The following TENM3 variants were observed in gnomAD, a reference collection of about 807,000 sequenced individuals.
TENM3 encodes teneurin-3.
A neutral mutation model predicts 255.1 loss-of-function variants in TENM3; 63 were observed. The ratio of observed to expected loss-of-function variants is 0.25; its 90% confidence interval spans 0.20 to 0.30. TENM3 has a LOEUF of 0.30. Ranked by LOEUF, TENM3 falls within the 10% of genes least tolerant of loss-of-function variation. The pLI, the probability that TENM3 is intolerant of heterozygous loss-of-function variation, is 1.00. For missense variants in TENM3, 2,929 were observed against 3,461.1 expected, an observed-to-expected ratio of 0.85 and a Z score of 3.86; for synonymous variants, 1,306 against 1,322.3, an observed-to-expected ratio of 0.99 and a Z score of 0.27.
chr4:181,788,410 G>T, the TENM3 span, among the ~76,000 whole-genome samples: 1,221 of 152,188 alleles, frequency 8.0e-3, 15 homozygotes, highest in African/African-American at 0.028. Flanking sequence ...CTTTACATCT[G>T]CTCCTTATTA....
In TENM3 at chr4:182,590,538, CAAAAAAA is replaced by C. The variant is rs34681777; in HGVS notation, c.512-10369_512-10363del. On this transcript the variant is annotated intron_variant, in intron 3 of 27. Coordinates refer to ENST00000511685, the MANE Select transcript of TENM3 (RefSeq NM_001080477.4). ...CCAGCAATAGAGCGAGACCCTGTCT[CAAAAAAA>C]AAAAAAAAAAAAAAAAGAAAAAGAA... is the stretch of plus-strand genomic sequence containing the variant. 3.3e-4 allele frequency among the ~76,000 whole-genome samples: 26 copies of C among 79,990 alleles called. No individual in the cohort carries two copies. In the South Asian group the frequency reaches 8.1e-3, roughly 25 times the overall value. 52.5% of individuals were successfully genotyped at this position (79,990 alleles called of 152,430 possible).
intron 1 of TENM3, among the ~76,000 whole-genome samples, chr4:182,313,338 G>A (rs9993122): frequency 0.12 from 17,512 of 151,236 alleles, 1,160 homozygotes; most frequent in African/African-American, 0.18. Flanking sequence ...CTAAATTTAC[G>A]TTTATTCATG....
At chr4:181,883,635 T>C in the TENM3 span, among the ~76,000 whole-genome samples, 75 of 152,044 alleles carry the variant, frequency 4.9e-4, 1 homozygote, top group African/African-American at 1.3e-3. Context: ...CCACCACGCC[T>C]GGCTAATTTT....
intron 3 of TENM3, among the ~76,000 whole-genome samples, chr4:182,588,899 T>C (rs1339617778): frequency 6.6e-6 from 1 of 152,216 alleles, no homozygotes; most frequent in East Asian, 1.9e-4. Flanking sequence ...TTAGATTAAC[T>C]GCACACTTTG....
chr4:181,510,754 G>A, the TENM3 span, among the ~76,000 whole-genome samples: 1 of 152,182 alleles, frequency 6.6e-6, no homozygotes, highest in Non-Finnish European at 1.5e-5. Flanking sequence ...CAGGAAAGCA[G>A]AACTCTGGTG....
intron 1 of TENM3, among the ~76,000 whole-genome samples, chr4:182,161,659 A>G: frequency 9.5e-6 from 1 of 105,332 alleles, no homozygotes; most frequent in South Asian, 3.2e-4. Context: ...ATATACACAC[A>G]CACAAATATA....
chr4:181,607,478 G>A, the TENM3 span, among the ~76,000 whole-genome samples: 12 of 150,832 alleles, frequency 8.0e-5, no homozygotes, highest in African/African-American at 2.2e-4. Flanking sequence ...GCAGTGGCAC[G>A]ATCTCGGCTC....
chr4:182,000,844 T>C, the TENM3 span, among the ~76,000 whole-genome samples: 4 of 151,598 alleles, frequency 2.6e-5, no homozygotes. Context: ...AAGACTATTA[T>C]CTTAAGTTGA....
the TENM3 span, among the ~76,000 whole-genome samples, chr4:181,546,728 AAG>A: frequency 1.1e-3 from 59 of 53,040 alleles, no homozygotes; most frequent in African/African-American, 2.6e-3. Flanking sequence ...AAAAAAAAAA[AAG>A]AAGAAGAAGA....
intron 3 of TENM3, among the ~76,000 whole-genome samples, chr4:182,384,983 C>T (rs1767811152): frequency 6.6e-6 from 1 of 152,118 alleles, no homozygotes; most frequent in South Asian, 2.1e-4. Context: ...ACTGAAAAGA[C>T]CCATCAGCAG....
intron 3 of TENM3, among the ~76,000 whole-genome samples, chr4:182,446,916 A>G (rs773885878): frequency 3.4e-5 from 5 of 149,080 alleles, no homozygotes; most frequent in Non-Finnish European, 7.4e-5. Flanking sequence ...CATGCATTGC[A>G]TTGATTTGTG....
chr4:182,743,644 A>G (rs186721141), intron 19 of TENM3, among the ~76,000 whole-genome samples: 39 of 152,332 alleles, frequency 2.6e-4, no homozygotes, highest in Admixed American at 2.2e-3. Flanking sequence ...TATATCAAAT[A>G]TCTTACTGAT....
the TENM3 span, among the ~76,000 whole-genome samples, chr4:181,729,016 A>G: frequency 6.6e-6 from 1 of 152,222 alleles, no homozygotes; most frequent in Non-Finnish European, 1.5e-5. Context: ...TGCTCTAAGT[A>G]CATGCAAAAC....
intron 1 of TENM3, among the ~76,000 whole-genome samples, chr4:182,262,750 C>CTCGCTCTG (rs1758902023): frequency 7.7e-6 from 1 of 130,066 alleles, no homozygotes; most frequent in Non-Finnish European, 1.6e-5. Context: ...GAGACGGAAT[C>CTCGCTCTG]TCGCCCAGGC....
chr4:181,968,009 A>C, the TENM3 span, among the ~76,000 whole-genome samples: 2 of 152,262 alleles, frequency 1.3e-5, no homozygotes, highest in South Asian at 4.1e-4. Context: ...CAGGAACTTC[A>C]GTTCTGCTCC....
intron 12 of TENM3, among the ~76,000 whole-genome samples, chr4:182,713,297 T>C (rs1401577526): frequency 6.6e-6 from 1 of 152,210 alleles, no homozygotes. Context: ...GTGGTCCTTA[T>C]GGTATTTCAT....
At chr4:182,050,905 T>C in the TENM3 span, among the ~76,000 whole-genome samples, 4 of 152,308 alleles carry the variant, frequency 2.6e-5, no homozygotes, top group African/African-American at 9.6e-5. Context: ...CCTCCAGAGA[T>C]CATCTTCAGC....
the TENM3 span, among the ~76,000 whole-genome samples, chr4:181,454,801 G>A: frequency 6.8e-6 from 1 of 147,536 alleles, no homozygotes; most frequent in South Asian, 2.1e-4. Flanking sequence ...CAGCCTAGGA[G>A]CAATAGGCTG....
chr4:181,653,213 C>T, the TENM3 span, among the ~76,000 whole-genome samples: 1 of 152,178 alleles, frequency 6.6e-6, no homozygotes, highest in Non-Finnish European at 1.5e-5. Context: ...CCGCACTATT[C>T]AGTGTCATCT....
Sources: gnomAD v4.1 joint callset for allele counts (sites outside exome capture counted in the v4.1 genomes callset) on GRCh38, gnomAD v4.1.1 for gene constraint, MANE v1.5 for transcripts, NCBI Gene and HGNC (gene_info 2026-07-23, HGNC 2026-07-21) for gene names.